PAXBP1: variants seen among roughly 807,000 people sequenced by gnomAD.
PAXBP1 encodes PAX3- and PAX7-binding protein 1.
In PAXBP1, 44 loss-of-function variants were observed where a neutral mutation model predicts 119.9. That is an observed-to-expected ratio of 0.37 (90% CI 0.29 to 0.47). The LOEUF (loss-of-function observed/expected upper bound fraction) is 0.47. Ranked by LOEUF, PAXBP1 falls within the 20% of genes least tolerant of loss-of-function variation. The pLI, the probability that PAXBP1 is intolerant of heterozygous loss-of-function variation, is 0.99. For missense variants in PAXBP1, 898 were observed against 1,134.1 expected, an observed-to-expected ratio of 0.79 and a Z score of 2.99; for synonymous variants, 393 against 406.6, an observed-to-expected ratio of 0.97 and a Z score of 0.40.
chr21:32,743,756 TAA>T lies in PAXBP1; in HGVS notation c.2191-4_2191-3del. On this transcript the variant is annotated splice_region_variant and splice_polypyrimidine_tract_variant and intron_variant, in intron 13 of 17. Transcript: ENST00000331923. ...CAATAAAAGTGCCTTTAGGTATACC[TAA>T]AAAGTTAAAAGTAGATCACACATTT... 6.6e-7 allele frequency: 1 copy of T among 1,515,570 alleles called. No homozygotes were observed. Among genetic ancestry groups the T allele is most frequent in the Non-Finnish European group, 9.1e-7 (1 of 1,102,160 alleles). 93.9% of individuals were successfully genotyped at this position (1,515,570 alleles called of 1,614,324 possible). A position where few individuals can be genotyped will look rare whatever the true frequency, so the allele number is the denominator to read the frequency against.
At chr21:32,755,473 A>T in intron 7 of PAXBP1, 120 bp from the exon 8 acceptor site, 2 of 1,310,454 alleles carry the variant, frequency 1.5e-6, no homozygotes, top group Non-Finnish European at 2.1e-6. Context: ...ATAATCATGA[A>T]TCCCCAACAG....
At chr21:32,768,937 G>A (rs990823038) in intron 2 of PAXBP1, among the ~76,000 whole-genome samples, 1 of 152,180 alleles carries the variant, frequency 6.6e-6, no homozygotes, top group Non-Finnish European at 1.5e-5. Flanking sequence ...AACTATCAAA[G>A]ATCCATCTTC....
chr21:32,768,258 A>C (rs145510298), intron 2 of PAXBP1, among the ~76,000 whole-genome samples: 310 of 152,338 alleles, frequency 2.0e-3, no homozygotes, highest in African/African-American at 7.2e-3. Flanking sequence ...AAAGGCCCTT[A>C]GTAGATGCCT....
intron 3 of PAXBP1, among the ~76,000 whole-genome samples, chr21:32,763,271 AATGT>A (rs1469336961): frequency 6.6e-6 from 1 of 152,178 alleles, no homozygotes; most frequent in Non-Finnish European, 1.5e-5. Flanking sequence ...CTATCAAGTA[AATGT>A]ACTGTAATTT....
chr21:32,745,036 A>G (rs2043852440), intron 12 of PAXBP1, 123 bp from the exon 13 acceptor site: 7 of 1,089,128 alleles, frequency 6.4e-6, no homozygotes, highest in Non-Finnish European at 9.2e-6. Context: ...TATAAGCTTT[A>G]GTCTTCTTTG....
chr21:32,752,979 G>T (rs1250886393), intron 8 of PAXBP1, among the ~76,000 whole-genome samples: 1 of 151,682 alleles, frequency 6.6e-6, no homozygotes, highest in African/African-American at 2.4e-5. Context: ...TTTCAAAATA[G>T]CTCTGAAATT....
chr21:32,760,726 ATAATTTGG>A (rs1218585960), intron 5 of PAXBP1, among the ~76,000 whole-genome samples: 8 of 152,140 alleles, frequency 5.3e-5, no homozygotes, highest in Admixed American at 4.6e-4. Flanking sequence ...CTGGGGGCTG[ATAATTTGG>A]TAATTTGCGT....
chr21:32,752,939 CTTTT>C (rs532173472), intron 8 of PAXBP1, among the ~76,000 whole-genome samples: 4 of 147,382 alleles, frequency 2.7e-5, no homozygotes. Flanking sequence ...TAAAAGTTGA[CTTTT>C]TTTTTTACTG....
intron 14 of PAXBP1, 68 bp from the exon 15 acceptor site, chr21:32,743,382 A>C: frequency 9.2e-7 from 1 of 1,087,610 alleles, no homozygotes; most frequent in Non-Finnish European, 1.3e-6. Context: ...TGATTCCTGG[A>C]CAAAAGATTT....
At chr21:32,736,245 G>T (rs553136924) in intron 17 of PAXBP1, among the ~76,000 whole-genome samples, 4 of 152,286 alleles carry the variant, frequency 2.6e-5, no homozygotes, top group Non-Finnish European at 4.4e-5. Flanking sequence ...CTGGAATGCA[G>T]TGGCGCAATC....
At position 32,743,658 on chromosome 21, in the gene PAXBP1, T is replaced by A; in HGVS notation, c.2267+20A>T. 6.7e-7 allele frequency: 1 copy of A among 1,494,690 alleles called. No individual in the cohort carries two copies. 92.6% of individuals were successfully genotyped at this position (1,494,690 alleles called of 1,614,324 possible). On this transcript the variant is annotated intron_variant, in intron 14 of 17. Coordinates refer to ENST00000331923, the MANE Select transcript of PAXBP1 (RefSeq NM_016631.4). ...ACACAATGGAGAATATTATCTTTAATGTTCTTCAGAGTTACTTACTTTTTG... is the reference window on the plus strand; with the variant it reads ...ACACAATGGAGAATATTATCTTTAAAGTTCTTCAGAGTTACTTACTTTTTG...
intron 12 of PAXBP1, 46 bp from the exon 13 acceptor site, chr21:32,744,959 T>C (rs1434064681): frequency 1.9e-6 from 3 of 1,575,536 alleles, no homozygotes; most frequent in Non-Finnish European, 2.6e-6. Context: ...CAATTGTACC[T>C]TTAATTTTTT....
intron 5 of PAXBP1, among the ~76,000 whole-genome samples, 143 bp downstream of exon 5, chr21:32,760,902 CGTGTGTGTGTGTGT>C (rs1175775718): frequency 7.8e-6 from 1 of 127,714 alleles, no homozygotes; most frequent in Non-Finnish European, 1.7e-5. Context: ...TGCGTGCGTG[CGTGTGTGTGTGTGT>C]GTGTGTGTGT....
chr21:32,771,528 G>A lies in PAXBP1; in HGVS notation c.141C>T (p.Gly47=), dbSNP rs1210791334. Residue 47 remains glycine (G), a synonymous_variant, in exon 1 of 18, where the codon GGC becomes GGT. Transcript: ENST00000331923. The part of the protein sequence containing the change: ...GTGEEAGPGG[G]DRAPGGESLL... Reference sequence around the variant, plus strand: ...GCGACTCCCCGCCAGGGGCCCTGTCGCCGCCACCGGGGCCCGCCTCTTCGC... The same window carrying A: ...GCGACTCCCCGCCAGGGGCCCTGTCACCGCCACCGGGGCCCGCCTCTTCGC... The A allele has an allele frequency of 5.2e-6, 7 of 1,345,470 alleles. No individual in the cohort carries two copies. The highest frequency in any genetic ancestry group is 1.8e-5 in the South Asian group (1 of 54,650). The allele number at this position is 1,345,470 out of a possible 1,614,324, so 83.3% of individuals were successfully genotyped here.
intron 2 of PAXBP1, among the ~76,000 whole-genome samples, chr21:32,767,219 G>A (rs567990385): frequency 7.9e-5 from 12 of 152,288 alleles, no homozygotes; most frequent in Admixed American, 5.2e-4. Flanking sequence ...TCAATACCGT[G>A]GTTATTTTGA....
intron 15 of PAXBP1, among the ~76,000 whole-genome samples, chr21:32,739,950 A>AG (rs2043755552): frequency 6.7e-6 from 1 of 148,402 alleles, no homozygotes; most frequent in African/African-American, 2.5e-5. Flanking sequence ...AAAAAAAAAA[A>AG]AAAAAAAAAA....
At chr21:32,753,400 T>C (rs1016531586) in intron 8 of PAXBP1, among the ~76,000 whole-genome samples, 1 of 118,786 alleles carries the variant, frequency 8.4e-6, no homozygotes. Flanking sequence ...CACTCCAGCC[T>C]GGGCAACAAA....
chr21:32,745,011 CCT>C (rs1393991169), intron 12 of PAXBP1, 98 bp from the exon 13 acceptor site: 3 of 1,315,838 alleles, frequency 2.3e-6, no homozygotes, highest in African/African-American at 1.5e-5. Context: ...ATTTATTTTT[CCT>C]CTTTTTCTAC....
Position 32,734,876 on chromosome 21 carries a change from G to A in PAXBP1, c.*74C>T, listed in dbSNP as rs1018583636. ...CAAGAATTGCTATTTTACAGTTTAA[G>A]AAACTTTACATATATACAAAATTTA... is the stretch of plus-strand genomic sequence containing the variant. On this transcript the variant is annotated 3_prime_UTR_variant, in exon 18 of 18. Transcript: ENST00000331923. The A allele has an allele frequency of 2.7e-6, 3 of 1,099,716 alleles. No individual in the cohort carries two copies. In the African/African-American group the frequency reaches 4.7e-5, roughly 17 times the overall value. 68.1% of individuals were successfully genotyped at this position (1,099,716 alleles called of 1,614,324 possible). A position where few individuals can be genotyped will look rare whatever the true frequency, so the allele number is the denominator to read the frequency against.
Sources: gnomAD v4.1 joint callset for allele counts (sites outside exome capture counted in the v4.1 genomes callset) on GRCh38, gnomAD v4.1.1 for gene constraint, MANE v1.5 for transcripts, NCBI Gene and HGNC (gene_info 2026-07-23, HGNC 2026-07-21) for gene names.